Variants in FAM83B observed in about 807,000 individuals in gnomAD.
The protein encoded by FAM83B is protein FAM83B.
Under a neutral mutation model 38.8 loss-of-function variants are expected in FAM83B, and 26 were observed. That is an observed-to-expected ratio of 0.67 (90% CI 0.49 to 0.93). The LOEUF (loss-of-function observed/expected upper bound fraction) is 0.93. FAM83B is among the 40% of genes least tolerant of loss of function. The pLI is 0.00. For synonymous variants in FAM83B, 419 were observed against 423.1 expected (o/e 0.99, Z 0.12); for missense variants, 1,237 against 1,197.3 (o/e 1.03, Z -0.49).
intron 1 of FAM83B, among the ~76,000 whole-genome samples, chr6:54,863,503 T>C (rs1468580314): frequency 6.8e-6 from 1 of 146,326 alleles, no homozygotes; most frequent in African/African-American, 2.7e-5. Flanking sequence ...AGTTTCAGAG[T>C]AGAGGTCGAA....
At position 54,882,760 on chromosome 6, in the gene FAM83B, A is replaced by G. The variant is rs551914600; in HGVS notation, c.444+12070A>G. Among the ~76,000 whole-genome samples, 5 of 152,202 alleles carry G rather than the reference A, an allele frequency of 3.3e-5. No homozygotes were observed. The South Asian group carries it at 1.0e-3, about 32-fold the overall frequency. On this transcript the variant is annotated intron_variant, in intron 2 of 4. Coordinates refer to ENST00000306858, the MANE Select transcript of FAM83B (RefSeq NM_001010872.3). ...CCTGTTCTGGGCCTTCCACTGCAGA[A>G]GTATTCCTTCCTGCTTTTGTTCATG... is the stretch of plus-strand genomic sequence containing the variant.
intron 2 of FAM83B, among the ~76,000 whole-genome samples, chr6:54,925,258 G>T (rs2127588152): frequency 6.6e-6 from 1 of 152,002 alleles, no homozygotes; most frequent in East Asian, 1.9e-4. Flanking sequence ...CCCCTATTCT[G>T]CTCTTTTTTT....
Position 54,940,831 on chromosome 6 carries a change from C to T in FAM83B, c.1860C>T (p.His620=), listed in dbSNP as rs893898953. 1.9e-6 allele frequency: 3 copies of T among 1,614,014 alleles called. No individual in the cohort carries two copies. The highest frequency in any genetic ancestry group is 1.3e-5 in the African/African-American group (1 of 75,018). ...KMHTLQVPEN[H]SVALNQTTNG... ...ACACCTTGCAGGTTCCTGAAAACCACTCAGTAGCCTTAAACCAAACTACAA... is the reference window on the plus strand; with the variant it reads ...ACACCTTGCAGGTTCCTGAAAACCATTCAGTAGCCTTAAACCAAACTACAA... Residue 620 remains histidine (H), a synonymous_variant, in exon 5 of 5, where the codon CAC becomes CAT. Transcript: ENST00000306858.
intron 1 of FAM83B, among the ~76,000 whole-genome samples, chr6:54,866,207 T>A (rs1365091953): frequency 2.0e-5 from 3 of 151,568 alleles, no homozygotes; most frequent in Non-Finnish European, 4.4e-5. Context: ...ATAGGTTTTT[T>A]TTTTTTCTAT....
chr6:54,938,668 C>A (rs1334680854), intron 4 of FAM83B, among the ~76,000 whole-genome samples: 2 of 152,066 alleles, frequency 1.3e-5, no homozygotes, highest in Non-Finnish European at 2.9e-5. Context: ...TGTATATTTT[C>A]TATTGAGAAT....
At chr6:54,864,116 T>C (rs1181246965) in intron 1 of FAM83B, among the ~76,000 whole-genome samples, 1 of 152,200 alleles carries the variant, frequency 6.6e-6, no homozygotes, top group Non-Finnish European at 1.5e-5. Flanking sequence ...CCAAATGACA[T>C]TGAATAATTG....
upstream of FAM83B, among the ~76,000 whole-genome samples, chr6:54,846,233 A>G (rs185170433): frequency 1.5e-3 from 224 of 152,302 alleles, 4 homozygotes; most frequent in Admixed American, 0.011. Context: ...GCACTGCGGG[A>G]TGCCCACTGG....
In FAM83B at chr6:54,862,439, G is replaced by A. The variant is rs547273255; in HGVS notation, c.-60-7748G>A. On this transcript the variant is annotated intron_variant, in intron 1 of 4. Coordinates refer to ENST00000306858, the MANE Select transcript of FAM83B (RefSeq NM_001010872.3). Reference sequence around the variant, plus strand: ...CCTTGCTGAGGAAGCTAGGACTGTGGGAAGGACACTAGATGGCAGTTAACA... The same window carrying A: ...CCTTGCTGAGGAAGCTAGGACTGTGAGAAGGACACTAGATGGCAGTTAACA... Among the ~76,000 whole-genome samples the A allele has an allele frequency of 5.9e-5, 9 of 152,282 alleles. No individual in the cohort carries two copies. The South Asian group carries it at 1.7e-3, about 28-fold the overall frequency.
At chr6:54,926,998 GC>G (rs1374692450) in intron 3 of FAM83B, among the ~76,000 whole-genome samples, 3 of 152,220 alleles carry the variant, frequency 2.0e-5, no homozygotes, top group Admixed American at 2.0e-4. Flanking sequence ...CTCCCAAAGT[GC>G]TGGGATTACA....
chr6:54,870,175 T>C lies in FAM83B; in HGVS notation c.-60-12T>C. 1 of 1,170,724 alleles carries C rather than the reference T, an allele frequency of 8.5e-7. No homozygotes were observed. Among genetic ancestry groups the C allele is most frequent in the Non-Finnish European group, 1.2e-6 (1 of 817,710 alleles). The allele number at this position is 1,170,724 out of a possible 1,614,324, so 72.5% of individuals were successfully genotyped here. ...TTAACTTGATCTTGATTTTCTTCTT[T>C]TCAAATACCAGATACTTCTCACCAC... On this transcript the variant is annotated splice_polypyrimidine_tract_variant and intron_variant, in intron 1 of 4. Coordinates refer to ENST00000306858, the MANE Select transcript of FAM83B (RefSeq NM_001010872.3).
intron 4 of FAM83B, among the ~76,000 whole-genome samples, chr6:54,934,955 A>C (rs1215424853): frequency 6.6e-6 from 1 of 152,118 alleles, no homozygotes; most frequent in Non-Finnish European, 1.5e-5. Flanking sequence ...CCACTTCTCC[A>C]TCAGATTTCT....
chr6:54,863,688 ATG>A (rs1456224964), intron 1 of FAM83B, among the ~76,000 whole-genome samples: 1 of 152,224 alleles, frequency 6.6e-6, no homozygotes, highest in African/African-American at 2.4e-5. Flanking sequence ...TCCTGTGTGA[ATG>A]TAGTTAATTT....
In FAM83B at chr6:54,941,260, T is replaced by G; in HGVS notation, c.2289T>G (p.Gly763=). ...KELASKKEVK[G]SPSFLKKGSQ... Reference sequence around the variant, plus strand: ...TTGCTTCAAAGAAGGAAGTTAAGGGTTCCCCAAGTTTTTTGAAAAAGGGGT... The same window carrying G: ...TTGCTTCAAAGAAGGAAGTTAAGGGGTCCCCAAGTTTTTTGAAAAAGGGGT... Residue 763 remains glycine, a synonymous_variant, in exon 5 of 5, where the codon GGT becomes GGG. Transcript: ENST00000306858. 6.2e-7 allele frequency: 1 copy of G among 1,611,710 alleles called. No individual in the cohort carries two copies. The highest frequency in any genetic ancestry group is 8.5e-7 in the Non-Finnish European group (1 of 1,179,396).
At chr6:54,899,971 A>G (rs1478030769) in intron 2 of FAM83B, among the ~76,000 whole-genome samples, 1 of 152,224 alleles carries the variant, frequency 6.6e-6, no homozygotes, top group Non-Finnish European at 1.5e-5. Flanking sequence ...ACATTAAAAC[A>G]AAAAGGAAAC....
In FAM83B at chr6:54,930,097, C is replaced by T. The variant is rs191620777; in HGVS notation, c.734+2465C>T. 6.6e-5 allele frequency among the ~76,000 whole-genome samples: 10 copies of T among 152,070 alleles called. No homozygotes were observed. In the East Asian group the frequency reaches 1.9e-3, roughly 29 times the overall value. On this transcript the variant is annotated intron_variant, in intron 4 of 4. Coordinates refer to ENST00000306858, the MANE Select transcript of FAM83B (RefSeq NM_001010872.3). ...AGAATTGTATTTACTACCTACTATT[C>T]CTTCTTGTCTGCATTATAGTTTTAT...
intron 2 of FAM83B, among the ~76,000 whole-genome samples, chr6:54,872,577 A>G (rs2127575805): frequency 6.6e-6 from 1 of 152,328 alleles, no homozygotes; most frequent in East Asian, 1.9e-4. Flanking sequence ...GGGACATTGC[A>G]TTATTGTGAT....
chr6:54,916,407 A>G lies in FAM83B; in HGVS notation c.445-9964A>G, dbSNP rs189675584. On this transcript the variant is annotated intron_variant, in intron 2 of 4. Coordinates refer to ENST00000306858, the MANE Select transcript of FAM83B (RefSeq NM_001010872.3). ...TTTTTTTCTTTAATCACTTTGCCAA[A>G]ATCTAGATTCTGAACCTTACACTTA... Among the ~76,000 whole-genome samples, 7 of 152,206 alleles carry G rather than the reference A, an allele frequency of 4.6e-5. No individual in the cohort carries two copies. In the East Asian group the frequency reaches 1.4e-3, roughly 29 times the overall value.
intron 2 of FAM83B, among the ~76,000 whole-genome samples, chr6:54,880,441 C>CTTTT (rs1180941250): frequency 0.016 from 1,729 of 106,154 alleles, 66 homozygotes; most frequent in Non-Finnish European, 0.023. Flanking sequence ...TAGAAGGTTT[C>CTTTT]TTTTTTTTTT....
At chr6:54,862,740 C>T (rs1280656535) in intron 1 of FAM83B, among the ~76,000 whole-genome samples, 5 of 151,758 alleles carry the variant, frequency 3.3e-5, no homozygotes, top group East Asian at 1.9e-4. Context: ...AAAAATTAGC[C>T]GGGCATGGCA....
Sources: gnomAD v4.1 joint callset for allele counts (sites outside exome capture counted in the v4.1 genomes callset) on GRCh38, gnomAD v4.1.1 for gene constraint, MANE v1.5 for transcripts, NCBI Gene and HGNC (gene_info 2026-07-23, HGNC 2026-07-21) for gene names.